Variants in ATE1 observed in about 807,000 individuals in gnomAD.
The protein encoded by ATE1 is arginyltransferase 1.
A neutral mutation model predicts 70.5 loss-of-function variants in ATE1; 36 were observed. The observed-to-expected ratio is 0.51, with a 90% CI of 0.39 to 0.67. The LOEUF is 0.67. Ranked by LOEUF, ATE1 falls within the 30% of genes least tolerant of loss-of-function variation. ATE1 has a pLI of 0.00. For missense variants in ATE1, 593 were observed against 629.5 expected, an observed-to-expected ratio of 0.94 and a Z score of 0.62; for synonymous variants, 232 against 219.3, an observed-to-expected ratio of 1.06 and a Z score of -0.51.
At chr10:121,785,044 T>C (rs919848109) in intron 11 of ATE1, among the ~76,000 whole-genome samples, 2 of 152,128 alleles carry the variant, frequency 1.3e-5, no homozygotes, top group African/African-American at 4.8e-5. Context: ...TAGCACATAA[T>C]AGTGTACAAG....
chr10:121,925,384 C>G (rs1216667984), intron 1 of ATE1, among the ~76,000 whole-genome samples: 1 of 149,576 alleles, frequency 6.7e-6, no homozygotes, highest in Non-Finnish European at 1.5e-5. Context: ...CGAGCCATTG[C>G]ACTCCACACT....
At chr10:121,840,091 C>T (rs1948574187) in intron 9 of ATE1, among the ~76,000 whole-genome samples, 2 of 152,094 alleles carry the variant, frequency 1.3e-5, no homozygotes, top group Admixed American at 6.6e-5. Context: ...TACACATAGA[C>T]AAACAGAAAT....
intron 8 of ATE1, among the ~76,000 whole-genome samples, chr10:121,850,825 C>T (rs1033708350): frequency 1.3e-5 from 2 of 152,138 alleles, no homozygotes; most frequent in African/African-American, 4.8e-5. Flanking sequence ...GGTGCAGTGG[C>T]TCACGCCTGT....
chr10:121,919,906 G>T (rs1401590549), intron 3 of ATE1, among the ~76,000 whole-genome samples: 1 of 150,822 alleles, frequency 6.6e-6, no homozygotes, highest in Admixed American at 6.6e-5. Context: ...TCGGTGGGGA[G>T]GATATGCAAA....
Position 121,902,444 on chromosome 10 carries a change from G to A in ATE1, c.760C>T (p.Leu254Phe), listed in dbSNP as rs1403730578. ...AAAGACTCAAAAATTAAATCTTCGA[G>A]TGATTTTGGCTGGTTGGATTTAGCC... is the stretch of plus-strand genomic sequence containing the variant. Reference protein sequence around the residue: ...PKAKSNQPKSLEDLIFESLPE... With the variant: ...PKAKSNQPKSFEDLIFESLPE... The change falls in exon 6 of 12, where the codon CTC becomes TTC. Residue 254 changes from leucine (L) to phenylalanine (F), a missense_variant. Leu to Phe is a conservative substitution (Grantham distance 22). Transcript: ENST00000224652. The A allele has an allele frequency of 3.1e-6, 5 of 1,614,196 alleles. No individual in the cohort carries two copies. The South Asian group carries it at 5.5e-5, about 18-fold the overall frequency.
intron 10 of ATE1, among the ~76,000 whole-genome samples, chr10:121,824,009 A>C (rs1432736895): frequency 6.6e-6 from 1 of 152,238 alleles, no homozygotes; most frequent in Non-Finnish European, 1.5e-5. Context: ...TGAGAAGCTT[A>C]GAACAGTAAA....
chr10:121,758,332 C>T (rs538021314), intron 11 of ATE1, among the ~76,000 whole-genome samples: 2 of 152,202 alleles, frequency 1.3e-5, no homozygotes, highest in South Asian at 2.1e-4. Flanking sequence ...AGCCAAATTC[C>T]CATTTACAAT....
rs1035898986 is a variant in ATE1, at chr10:121,915,618, C to T, written c.234-1725G>A. Among the ~76,000 whole-genome samples the T allele has an allele frequency of 8.6e-5, 13 of 152,026 alleles. 1 individual carries two copies. The highest frequency in any genetic ancestry group is 3.1e-4 in the African/African-American group (13 of 41,488). ...AAGCTTCCTAAGAGAGGCCGGGCGC[C>T]GTGGCTCACACCTGTAATCCCAGCA... On this transcript the variant is annotated intron_variant, in intron 3 of 11. Coordinates refer to ENST00000224652, the MANE Select transcript of ATE1 (RefSeq NM_001001976.3).
chr10:121,794,571 G>A (rs1394640481), intron 10 of ATE1, among the ~76,000 whole-genome samples: 1 of 131,280 alleles, frequency 7.6e-6, no homozygotes, highest in Non-Finnish European at 1.6e-5. Context: ...CAGTGATTGT[G>A]TCACTGCACT....
At chr10:121,875,140 A>G (rs1461043749) in intron 7 of ATE1, among the ~76,000 whole-genome samples, 4 of 63,988 alleles carry the variant, frequency 6.3e-5, no homozygotes, top group Middle Eastern at 9.8e-3. Flanking sequence ...CTCCGTCTCA[A>G]AAAAAAAAAA....
chr10:121,805,529 A>G (rs1947061113), intron 10 of ATE1, among the ~76,000 whole-genome samples: 3 of 152,206 alleles, frequency 2.0e-5, no homozygotes, highest in African/African-American at 7.2e-5. Flanking sequence ...CATACAATAA[A>G]GCATAAAATC....
chr10:121,755,222 T>C (rs893022615), intron 11 of ATE1, among the ~76,000 whole-genome samples: 8 of 152,302 alleles, frequency 5.3e-5, no homozygotes, highest in African/African-American at 1.9e-4. Context: ...ACAGGGTGTG[T>C]GGATTAGATG....
At position 121,857,451 on chromosome 10, in the gene ATE1, A is replaced by G. The variant is rs1233409110; in HGVS notation, c.975+12555T>C. ...AAGAGACATCATTTTGTTCTTTATT[A>G]TGGCTGCATAGTATTCCATGGTGTA... On this transcript the variant is annotated intron_variant, in intron 8 of 11. Coordinates refer to ENST00000224652, the MANE Select transcript of ATE1 (RefSeq NM_001001976.3). Among the ~76,000 whole-genome samples, 12 of 152,154 alleles carry G rather than the reference A, an allele frequency of 7.9e-5. 1 individual carries two copies. Among genetic ancestry groups the G allele is most frequent in the Admixed American group, 5.2e-4 (8 of 15,282 alleles).
intron 10 of ATE1, among the ~76,000 whole-genome samples, chr10:121,809,948 T>C (rs945732392): frequency 2.7e-5 from 4 of 149,068 alleles, no homozygotes; most frequent in African/African-American, 9.8e-5. Flanking sequence ...AACAGTGAAA[T>C]GCCAAGAAAG....
chr10:121,887,566 T>G (rs757886743), intron 7 of ATE1, among the ~76,000 whole-genome samples: 4 of 151,732 alleles, frequency 2.6e-5, no homozygotes, highest in African/African-American at 7.3e-5. Flanking sequence ...ATTAGCTGGA[T>G]GTAGTGATGT....
intron 1 of ATE1, 79 bp downstream of exon 1, chr10:121,927,765 T>G: frequency 1.4e-6 from 2 of 1,455,742 alleles, no homozygotes; most frequent in Non-Finnish European, 1.8e-6. Flanking sequence ...TCCGGCCCCC[T>G]CGCGTCCTCG....
At chr10:121,816,876 T>C (rs1459124010) in intron 10 of ATE1, among the ~76,000 whole-genome samples, 1 of 152,202 alleles carries the variant, frequency 6.6e-6, no homozygotes, top group Non-Finnish European at 1.5e-5. Flanking sequence ...ATATAAGCCA[T>C]TTATAATATT....
intron 8 of ATE1, among the ~76,000 whole-genome samples, chr10:121,865,263 C>T (rs1294643878): frequency 6.6e-6 from 1 of 152,128 alleles, no homozygotes; most frequent in Non-Finnish European, 1.5e-5. Flanking sequence ...GCTAACTTAT[C>T]AGTAAGTTAT....
At chr10:121,805,126 T>C (rs1947045305) in intron 10 of ATE1, among the ~76,000 whole-genome samples, 1 of 152,136 alleles carries the variant, frequency 6.6e-6, no homozygotes, top group African/African-American at 2.4e-5. Context: ...CTGCAAAGAA[T>C]CACACAAGAC....
Sources: gnomAD v4.1 joint callset for allele counts (sites outside exome capture counted in the v4.1 genomes callset) on GRCh38, gnomAD v4.1.1 for gene constraint, MANE v1.5 for transcripts, NCBI Gene and HGNC (gene_info 2026-07-23, HGNC 2026-07-21) for gene names.